The following PAMR1 variants were observed in gnomAD, a reference collection of about 807,000 sequenced individuals.
PAMR1 encodes inactive serine protease PAMR1.
PAMR1 carries 88 observed loss-of-function variants against 81.8 expected under a neutral mutation model. That is an observed-to-expected ratio of 1.08 (90% CI 0.91 to 1.28). PAMR1 has a LOEUF of 1.28. PAMR1 is among the 50% of genes most tolerant of loss of function. The pLI is 0.00. For synonymous variants in PAMR1, 336 were observed against 345.3 expected (o/e 0.97, Z 0.30); for missense variants, 935 against 919.7 (o/e 1.02, Z -0.21).
chr11:35,441,796 G>T, intron 6 of PAMR1, 103 bp from the exon 7 acceptor site: 1 of 708,212 alleles, frequency 1.4e-6, no homozygotes, highest in Non-Finnish European at 2.3e-6. Flanking sequence ...CAATGATATA[G>T]GATCTGGTGC....
chr11:35,432,503 G>A lies in PAMR1; in HGVS notation c.2016C>T (p.Ser672=), dbSNP rs2135328830. 1 of 1,614,226 alleles carries A rather than the reference G, an allele frequency of 6.2e-7. No homozygotes were observed. Among genetic ancestry groups the A allele is most frequent in the African/African-American group, 1.3e-5 (1 of 75,054 alleles). Residue 672 remains serine, a synonymous_variant, in exon 11 of 11, where the codon TCC becomes TCT. Coordinates refer to ENST00000619888, the MANE Select transcript of PAMR1 (RefSeq NM_001001991.3). ...GCTCAGGAGATGCTCGTCCCGGGAA[G>A]GACACAGCCGCGATGCCTCCTGTCT... ...TAETGGIAAV[S]FPGRASPEPR...
chr11:35,480,191 A>T (rs1230598554), intron 3 of PAMR1, among the ~76,000 whole-genome samples: 1 of 152,216 alleles, frequency 6.6e-6, no homozygotes, highest in Non-Finnish European at 1.5e-5. Flanking sequence ...ACCAATTCAA[A>T]CTTATTTCTG....
chr11:35,508,752 C>A (rs1428515653), intron 1 of PAMR1, among the ~76,000 whole-genome samples: 2 of 151,976 alleles, frequency 1.3e-5, no homozygotes, highest in Non-Finnish European at 2.9e-5. Flanking sequence ...GGATACAAAT[C>A]CATGTGTACT....
chr11:35,439,166 G>A (rs913357813), intron 8 of PAMR1, among the ~76,000 whole-genome samples: 3 of 152,180 alleles, frequency 2.0e-5, no homozygotes, highest in African/African-American at 7.2e-5. Flanking sequence ...ACATCCTTCT[G>A]CATGGCTGGT....
At chr11:35,452,082 ATGT>A (rs1856431512) in intron 6 of PAMR1, 1 of 435,010 alleles carries the variant, frequency 2.3e-6, no homozygotes, top group African/African-American at 2.0e-5. Flanking sequence ...AATACAGATA[ATGT>A]TGTTATCTAA....
At chr11:35,433,373 C>T (rs1855953087) in intron 10 of PAMR1, among the ~76,000 whole-genome samples, 1 of 152,258 alleles carries the variant, frequency 6.6e-6, no homozygotes, top group Admixed American at 6.5e-5. Context: ...ATTTCATTTA[C>T]ATTCAAGCCA....
rs1376898214 is a variant in PAMR1 at position 35,470,924 on chromosome 11, G to T, written c.495-106C>A. On this transcript the variant is annotated intron_variant, in intron 4 of 10. Transcript: ENST00000619888. ...GAGGAACAGGCCTGAGGAACAGATG[G>T]TGTCACTGGCCTGATCGGATAGGAA... is the stretch of plus-strand genomic sequence containing the variant. 6.6e-5 allele frequency: 50 copies of T among 763,058 alleles called. No individual in the cohort carries two copies. In the East Asian group the frequency reaches 1.2e-3, roughly 18 times the overall value. 47.3% of individuals were successfully genotyped at this position (763,058 alleles called of 1,614,324 possible). A position where few individuals can be genotyped will look rare whatever the true frequency, so the allele number is the denominator to read the frequency against.
chr11:35,487,690 T>G (rs638517), intron 3 of PAMR1, among the ~76,000 whole-genome samples: 126,098 of 152,146 alleles, frequency 0.83, 52,386 homozygotes, highest in African/African-American at 0.84. Flanking sequence ...TCTCAGCAGA[T>G]ATTTCACTCC....
intron 4 of PAMR1, 48 bp downstream of exon 4, chr11:35,474,582 T>G (rs1411356036): frequency 9.2e-7 from 1 of 1,087,506 alleles, no homozygotes; most frequent in South Asian, 1.5e-5. Flanking sequence ...ATCCCATTTC[T>G]GTATCCTTAT....
At chr11:35,482,834 C>A (rs554714282) in intron 3 of PAMR1, among the ~76,000 whole-genome samples, 1 of 152,156 alleles carries the variant, frequency 6.6e-6, no homozygotes, top group Admixed American at 6.5e-5. Flanking sequence ...TGGCTCTCTG[C>A]TTGTCTATTG....
rs778036197 is a variant in PAMR1 at position 35,470,678 on chromosome 11, G to T, written c.635C>A (p.Ser212Tyr). 3 of 1,614,162 alleles carry T rather than the reference G, an allele frequency of 1.9e-6. No homozygotes were observed. Among genetic ancestry groups the T allele is most frequent in the Non-Finnish European group, 1.7e-6 (2 of 1,180,028 alleles). The change falls in exon 5 of 11, where the codon TCC becomes TAC. Residue 212 changes from serine (S) to tyrosine (Y), a missense_variant. Transcript: ENST00000619888. ...GGAGTGGAAGAGGACGTGGAGTGAGGATCCTATGCTCTGGATAGGAGCTGG... is the reference window on the plus strand; with the variant it reads ...GGAGTGGAAGAGGACGTGGAGTGAGTATCCTATGCTCTGGATAGGAGCTGG... ...ERPAPIQSIG[S>Y]SLHVLFHSDG...
chr11:35,500,448 C>T (rs185989698), intron 1 of PAMR1, among the ~76,000 whole-genome samples: 8 of 152,316 alleles, frequency 5.3e-5, no homozygotes, highest in Non-Finnish European at 2.9e-5. Context: ...GACATCATCA[C>T]TAGCCTGATG....
chr11:35,474,818 G>T, intron 3 of PAMR1, 74 bp from the exon 4 acceptor site: 1 of 939,658 alleles, frequency 1.1e-6, no homozygotes, highest in South Asian at 1.4e-5. Flanking sequence ...GTCTCAACGA[G>T]ACTTTGAGCA....
At chr11:35,467,910 C>T in intron 6 of PAMR1, 91 bp downstream of exon 6, 3 of 732,826 alleles carry the variant, frequency 4.1e-6, no homozygotes. Context: ...GCATCCTAGA[C>T]ATGAAGAAAG....
rs531957294 is a variant in PAMR1, at chr11:35,477,946, G to A, written c.380-3202C>T. The stretch of plus-strand genomic sequence containing the variant: ...ATCTACCCATCTGCTGCTGGGCTAC[G>A]GAAGTGATATGCAGGGTGTGAGAGA... On this transcript the variant is annotated intron_variant, in intron 3 of 10. Coordinates refer to ENST00000619888, the MANE Select transcript of PAMR1 (RefSeq NM_001001991.3). 7.2e-5 allele frequency among the ~76,000 whole-genome samples: 11 copies of A among 152,238 alleles called. No individual in the cohort carries two copies. In the South Asian group the frequency reaches 1.2e-3, roughly 17 times the overall value.
At chr11:35,470,047 A>G (rs1856823928) in intron 5 of PAMR1, among the ~76,000 whole-genome samples, 1 of 152,270 alleles carries the variant, frequency 6.6e-6, no homozygotes, top group African/African-American at 2.4e-5. Flanking sequence ...GTGGAGGGTA[A>G]ATGTATGCCT....
chr11:35,475,554 G>C (rs903016401), intron 3 of PAMR1, among the ~76,000 whole-genome samples: 2 of 152,190 alleles, frequency 1.3e-5, no homozygotes, highest in African/African-American at 4.8e-5. Context: ...CTAGTGTTAA[G>C]ATAAGCACAG....
At position 35,432,294 on chromosome 11, in the gene PAMR1, C is replaced by T. The variant is rs1203532388; in HGVS notation, c.*62G>A. On this transcript the variant is annotated 3_prime_UTR_variant, in exon 11 of 11. Coordinates refer to ENST00000619888, the MANE Select transcript of PAMR1 (RefSeq NM_001001991.3). Reference sequence around the variant, plus strand: ...CACACTTCAGGCCCACACTGCTTCACGCAATGACACACGTACAGACGGATA... The same window carrying T: ...CACACTTCAGGCCCACACTGCTTCATGCAATGACACACGTACAGACGGATA... 4.7e-5 allele frequency: 69 copies of T among 1,464,568 alleles called. No homozygotes were observed. Among genetic ancestry groups the T allele is most frequent in the South Asian group, 1.1e-4 (9 of 79,848 alleles). The allele number at this position is 1,464,568 out of a possible 1,614,324, so 90.7% of individuals were successfully genotyped here. A position where few individuals can be genotyped will look rare whatever the true frequency, so the allele number is the denominator to read the frequency against.
At chr11:35,474,126 A>G (rs12799002) in intron 4 of PAMR1, among the ~76,000 whole-genome samples, 54,825 of 152,088 alleles carry the variant, frequency 0.36, 10,720 homozygotes, top group African/African-American at 0.53. Context: ...ACATTTGCGA[A>G]GGCCCTAAAG....
Sources: gnomAD v4.1 joint callset for allele counts (sites outside exome capture counted in the v4.1 genomes callset) on GRCh38, gnomAD v4.1.1 for gene constraint, MANE v1.5 for transcripts, NCBI Gene and HGNC (gene_info 2026-07-23, HGNC 2026-07-21) for gene names.